The following FBXL7 variants were observed in gnomAD, a reference collection of about 807,000 sequenced individuals.
FBXL7 encodes the protein F-box/LRR-repeat protein 7.
Under a neutral mutation model 38.3 loss-of-function variants are expected in FBXL7, and 12 were observed. That is an observed-to-expected ratio of 0.31 (90% CI 0.20 to 0.51). The LOEUF (loss-of-function observed/expected upper bound fraction) is 0.51, where lower values mean the gene tolerates loss of function less well. FBXL7 is among the 20% of genes least tolerant of loss of function. FBXL7 has a pLI of 0.98. For synonymous variants in FBXL7, 297 were observed against 300.9 expected (o/e 0.99, Z 0.13); for missense variants, 567 against 676.4 (o/e 0.84, Z 1.79).
At chr5:15,574,750 C>T (rs1036983486) in intron 1 of FBXL7, among the ~76,000 whole-genome samples, 96 of 152,138 alleles carry the variant, frequency 6.3e-4, no homozygotes, top group African/African-American at 1.9e-3. Context: ...TGGGCTGGAG[C>T]GTTCTGGTAG....
At chr5:15,862,234 A>T (rs376256518) in intron 2 of FBXL7, among the ~76,000 whole-genome samples, 83 of 152,262 alleles carry the variant, frequency 5.5e-4, no homozygotes, top group African/African-American at 1.9e-3. Context: ...AAGTCTCACA[A>T]GATCTGATGG....
intron 2 of FBXL7, among the ~76,000 whole-genome samples, chr5:15,709,145 G>A (rs1232639334): frequency 3.9e-5 from 6 of 152,140 alleles, no homozygotes; most frequent in Non-Finnish European, 1.5e-5. Context: ...GGACCAAGGT[G>A]GGACAAGTAC....
At chr5:15,572,174 C>T (rs527284352) in intron 1 of FBXL7, among the ~76,000 whole-genome samples, 2 of 152,082 alleles carry the variant, frequency 1.3e-5, no homozygotes, top group South Asian at 4.2e-4. Flanking sequence ...GTATATTTGG[C>T]ATAGTCATTT....
chr5:15,739,340 A>G (rs183259748), intron 2 of FBXL7, among the ~76,000 whole-genome samples: 37 of 152,222 alleles, frequency 2.4e-4, no homozygotes, highest in Non-Finnish European at 5.9e-5. Context: ...TGTCACCTCA[A>G]CCAGATATTA....
At chr5:15,930,371 A>G (rs926230780) in intron 3 of FBXL7, among the ~76,000 whole-genome samples, 2 of 152,224 alleles carry the variant, frequency 1.3e-5, no homozygotes, top group Admixed American at 1.3e-4. Flanking sequence ...GGAGCATTTT[A>G]TAAACATTTC....
rs1466932722 is a variant in FBXL7 at position 15,881,045 on chromosome 5, CTTATT to C, written c.128-46837_128-46833del. On this transcript the variant is annotated intron_variant, in intron 2 of 3. Transcript: ENST00000504595. Reference sequence around the variant, plus strand: ...CTTTTTAAATTTTTAAAATATTTTACTTATTTTATTTTGTTTTTTGGGAACAGGTG... The same window carrying C: ...CTTTTTAAATTTTTAAAATATTTTACTTATTTTGTTTTTTGGGAACAGGTG... 2.6e-5 allele frequency among the ~76,000 whole-genome samples: 4 copies of C among 152,038 alleles called. No homozygotes were observed. In the East Asian group the frequency reaches 7.7e-4, roughly 29 times the overall value.
chr5:15,861,869 G>C (rs1739489777), intron 2 of FBXL7, among the ~76,000 whole-genome samples: 1 of 152,094 alleles, frequency 6.6e-6, no homozygotes, highest in Non-Finnish European at 1.5e-5. Context: ...TTTGTCTAAG[G>C]ACCTAGGTTG....
chr5:15,628,926 T>C (rs978641300), intron 2 of FBXL7, among the ~76,000 whole-genome samples: 1 of 152,046 alleles, frequency 6.6e-6, no homozygotes, highest in African/African-American at 2.4e-5. Flanking sequence ...ACCTTAGATA[T>C]ATTTTTTCTG....
chr5:15,766,222 A>G (rs1330613359), intron 2 of FBXL7, among the ~76,000 whole-genome samples: 4 of 152,168 alleles, frequency 2.6e-5, no homozygotes, highest in African/African-American at 9.7e-5. Context: ...GCCTTCCATG[A>G]AACTTCTTTT....
At chr5:15,526,530 A>C (rs994276660) in intron 1 of FBXL7, among the ~76,000 whole-genome samples, 1 of 152,198 alleles carries the variant, frequency 6.6e-6, no homozygotes, top group Non-Finnish European at 1.5e-5. Context: ...AGTGTAAAAC[A>C]GTGAGTATCT....
chr5:15,776,874 T>C (rs1736869378), intron 2 of FBXL7, among the ~76,000 whole-genome samples: 1 of 152,120 alleles, frequency 6.6e-6, no homozygotes, highest in African/African-American at 2.4e-5. Context: ...TAGCCATCAA[T>C]TGGGAGTTTT....
chr5:15,522,841 C>T lies in FBXL7; in HGVS notation c.37+22128C>T, dbSNP rs560943691. Reference sequence around the variant, plus strand: ...TTGAGAAAATTCTGTATAATTCTTACAACATTCTAGCAAAAACTCTAAGGT... The same window carrying T: ...TTGAGAAAATTCTGTATAATTCTTATAACATTCTAGCAAAAACTCTAAGGT... On this transcript the variant is annotated intron_variant, in intron 1 of 3. Transcript: ENST00000504595. Among the ~76,000 whole-genome samples, 30 of 152,296 alleles carry T rather than the reference C, an allele frequency of 2.0e-4. 2 individuals carry two copies. The South Asian group carries it at 5.8e-3, about 29-fold the overall frequency.
intron 1 of FBXL7, among the ~76,000 whole-genome samples, chr5:15,576,595 C>T (rs943807032): frequency 2.0e-5 from 3 of 152,106 alleles, no homozygotes; most frequent in African/African-American, 7.2e-5. Flanking sequence ...CAGCATATGG[C>T]AAAATTCACC....
rs969981311 is a variant in FBXL7 at position 15,938,867 on chromosome 5, C to T, written c.*1681C>T. 11 of 397,488 alleles carry T rather than the reference C, an allele frequency of 2.8e-5. No individual in the cohort carries two copies. The highest frequency in any genetic ancestry group is 4.0e-5 in the Non-Finnish European group (9 of 225,712). The allele number at this position is 397,488 out of a possible 1,614,324, so 24.6% of individuals were successfully genotyped here. On this transcript the variant is annotated 3_prime_UTR_variant, in exon 4 of 4. Transcript: ENST00000504595. The stretch of plus-strand genomic sequence containing the variant: ...AATTCACTTGTCTTTTGCTAATAAA[C>T]ACATGGCCCTTTCCCAGATTATTCT...
At chr5:15,816,102 G>A (rs144978001) in intron 2 of FBXL7, among the ~76,000 whole-genome samples, 7 of 152,036 alleles carry the variant, frequency 4.6e-5, no homozygotes, top group East Asian at 1.9e-4. Context: ...AAAGTACTCC[G>A]AAATTAACTG....
chr5:15,541,449 A>ATATG (rs1737748875), intron 1 of FBXL7, among the ~76,000 whole-genome samples: 1 of 102,538 alleles, frequency 9.8e-6, no homozygotes, highest in African/African-American at 3.9e-5. Flanking sequence ...GTGTGTATAT[A>ATATG]TATATATATA....
chr5:15,738,768 G>A (rs1200768382), intron 2 of FBXL7, among the ~76,000 whole-genome samples: 1 of 152,204 alleles, frequency 6.6e-6, no homozygotes, highest in Admixed American at 6.5e-5. Context: ...ATAAATGGCA[G>A]TGTCGTTATT....
At chr5:15,791,962 T>G (rs1737288642) in intron 2 of FBXL7, among the ~76,000 whole-genome samples, 1 of 151,828 alleles carries the variant, frequency 6.6e-6, no homozygotes, top group Non-Finnish European at 1.5e-5. Context: ...TTCCCAAGAG[T>G]GTCCCGTGAA....
At chr5:15,542,146 C>T (rs777124888) in intron 1 of FBXL7, among the ~76,000 whole-genome samples, 4 of 151,952 alleles carry the variant, frequency 2.6e-5, no homozygotes, top group African/African-American at 7.3e-5. Context: ...AAACCAGAAT[C>T]GATGCATTAT....
Sources: allele counts gnomAD v4.1 joint callset (sites outside exome capture counted in the v4.1 genomes callset), GRCh38; gene constraint gnomAD v4.1.1; transcripts MANE v1.5; gene names NCBI Gene and HGNC (gene_info 2026-07-23, HGNC 2026-07-21).